The following MTFR1 variants were observed in gnomAD, a reference collection of about 807,000 sequenced individuals.
MTFR1 encodes chondrocyte protein with a poly-proline region.
A neutral mutation model predicts 38.8 loss-of-function variants in MTFR1; 28 were observed. The ratio of observed to expected loss-of-function variants is 0.72; its 90% CI spans 0.53 to 0.99. The LOEUF (loss-of-function observed/expected upper bound fraction) is 0.99. Ranked by LOEUF, MTFR1 falls within the 50% of genes least tolerant of loss-of-function variation. The pLI is 0.00. For missense variants in MTFR1, 358 were observed against 395.5 expected (o/e 0.91, Z 0.81); for synonymous variants, 145 against 137.0 (o/e 1.06, Z -0.41).
chr8:65,707,771 G>C, intron 6 of MTFR1, 72 bp from the exon 7 acceptor site: 1 of 1,554,000 alleles, frequency 6.4e-7, no homozygotes, highest in East Asian at 2.2e-5. Context: ...CAGGCAAAAG[G>C]TTGACAAAGT....
chr8:65,682,562 C>T, intron 3 of MTFR1, 111 bp downstream of exon 3: 1 of 612,062 alleles, frequency 1.6e-6, no homozygotes, highest in East Asian at 4.5e-5. Flanking sequence ...CCAATTGATG[C>T]CACTATCAAT....
intron 4 of MTFR1, among the ~76,000 whole-genome samples, chr8:65,694,590 T>C (rs956203742): frequency 6.6e-6 from 1 of 152,190 alleles, no homozygotes; most frequent in Non-Finnish European, 1.5e-5. Context: ...ACAGTAATTA[T>C]AATGGTCTCA....
downstream of MTFR1, among the ~76,000 whole-genome samples, chr8:65,712,427 A>T (rs757777787): frequency 6.6e-6 from 1 of 152,166 alleles, no homozygotes; most frequent in African/African-American, 2.4e-5. Context: ...CATGAATTTG[A>T]GTAGGAAGCC....
downstream of MTFR1, among the ~76,000 whole-genome samples, chr8:65,771,884 C>CAA (rs36101490): frequency 0.15 from 8,387 of 55,260 alleles, 679 homozygotes; most frequent in Non-Finnish European, 0.18. Context: ...CTCCATCTCT[C>CAA]AAAAAAAAAA....
intron 3 of MTFR1, chr8:65,722,291 C>T (rs17395816): frequency 0.062 from 9,500 of 152,364 alleles, 335 homozygotes; most frequent in African/African-American, 0.083. Flanking sequence ...CAGTTCTACA[C>T]GCTCTTCCCT....
At chr8:65,670,716 T>TG (rs1286221887) in intron 2 of MTFR1, among the ~76,000 whole-genome samples, 1 of 151,906 alleles carries the variant, frequency 6.6e-6, no homozygotes, top group African/African-American at 2.4e-5. Context: ...ACTTTTTTTT[T>TG]TTTTTGAACA....
intron 4 of MTFR1, among the ~76,000 whole-genome samples, chr8:65,697,299 C>T (rs1453876816): frequency 3.3e-5 from 5 of 152,108 alleles, no homozygotes. Flanking sequence ...AAAGGTGTCT[C>T]TCCAAGTCGG....
intron 1 of MTFR1, among the ~76,000 whole-genome samples, chr8:65,668,519 TTTTTTC>T (rs1412726553): frequency 2.8e-5 from 3 of 108,240 alleles, no homozygotes; most frequent in South Asian, 2.5e-4. Context: ...TTTGTTTTTC[TTTTTTC>T]TTTTTTTTTT....
At chr8:65,726,764 T>C (rs1400414165) in intron 3 of MTFR1, 1 of 596,346 alleles carries the variant, frequency 1.7e-6, no homozygotes, top group Non-Finnish European at 3.0e-6. Context: ...TGACAAACAC[T>C]GAAAACTGTG....
At chr8:65,676,023 GT>G (rs1416563255) in intron 2 of MTFR1, among the ~76,000 whole-genome samples, 1 of 152,258 alleles carries the variant, frequency 6.6e-6, no homozygotes, top group East Asian at 1.9e-4. Context: ...TTGTACTCTG[GT>G]TTTCTTTTGG....
intron 3 of MTFR1, among the ~76,000 whole-genome samples, chr8:65,735,924 C>T (rs376327920): frequency 3.3e-5 from 5 of 152,198 alleles, no homozygotes; most frequent in South Asian, 2.1e-4. Flanking sequence ...CATGCCCGGC[C>T]GTATGTGTTT....
At chr8:65,765,597 CAT>C (rs1563496614) in intron 3 of MTFR1, 1 of 147,966 alleles carries the variant, frequency 6.8e-6, no homozygotes, top group Non-Finnish European at 1.5e-5. Flanking sequence ...GAAAAAACTG[CAT>C]TTGTGTTGAC....
rs1295965698 is a variant in MTFR1 at position 65,730,171 on chromosome 8, C to CTTCTTTTTTTTTTT, written c.*48+10692_*48+10693insCTTTTTTTTTTTTT. 2.8e-3 allele frequency among the ~76,000 whole-genome samples: 239 copies of CTTCTTTTTTTTTTT among 86,444 alleles called. 44 individuals carry two copies. The highest frequency in any genetic ancestry group is 9.6e-3 in the African/African-American group (202 of 20,934). The allele number at this position is 86,444 out of a possible 152,430, so 56.7% of individuals were successfully genotyped here. A position where few individuals can be genotyped will look rare whatever the true frequency, so the allele number is the denominator to read the frequency against. ...TGTGAGGGATCCAGGTTGCGCACTT[C>CTTCTTTTTTTTTTT]TTTTTTTTTTTTTTTTTTTTTTTTT... On this transcript the variant is annotated intron_variant, in intron 3 of 3. Transcript: ENST00000521247.
intron 3 of MTFR1, chr8:65,765,436 C>A (rs528354990): frequency 5.5e-5 from 7 of 127,180 alleles, no homozygotes; most frequent in African/African-American, 2.1e-4. Flanking sequence ...TTGCAGTGAG[C>A]CGAGATCCCG....
chr8:65,674,915 A>T (rs984451803), intron 2 of MTFR1, among the ~76,000 whole-genome samples: 1 of 152,206 alleles, frequency 6.6e-6, no homozygotes, highest in African/African-American at 2.4e-5. Flanking sequence ...ATGTGAACCC[A>T]ATTCTGATTC....
intron 1 of MTFR1, among the ~76,000 whole-genome samples, chr8:65,651,052 G>A (rs1045150983): frequency 2.6e-5 from 4 of 152,124 alleles, no homozygotes; most frequent in African/African-American, 9.7e-5. Context: ...CTGATGATTG[G>A]AGCACTTTTT....
intron 3 of MTFR1, 48 bp from the exon 4 acceptor site, chr8:65,693,595 AT>A: frequency 6.5e-7 from 1 of 1,537,090 alleles, no homozygotes; most frequent in Non-Finnish European, 9.0e-7. Context: ...AAAATTTAAC[AT>A]TTTGGTGCCA....
intron 2 of MTFR1, among the ~76,000 whole-genome samples, chr8:65,671,576 C>T (rs1213618489): frequency 6.7e-6 from 1 of 149,964 alleles, no homozygotes. Flanking sequence ...TCACTTAGCT[C>T]AGTTTTATCA....
intron 4 of MTFR1, among the ~76,000 whole-genome samples, chr8:65,704,234 G>A (rs1805710943): frequency 6.6e-6 from 1 of 152,134 alleles, no homozygotes; most frequent in Non-Finnish European, 1.5e-5. Context: ...TGGCACAATA[G>A]TGTTCAAGAT....
Sources: allele counts gnomAD v4.1 joint callset (sites outside exome capture counted in the v4.1 genomes callset), GRCh38; gene constraint gnomAD v4.1.1; transcripts MANE v1.5; gene names NCBI Gene and HGNC (gene_info 2026-07-23, HGNC 2026-07-21).